The following CDC42SE2 variants were observed in gnomAD, a reference collection of about 807,000 sequenced individuals.
CDC42SE2 encodes CDC42 small effector protein 2.
Under a neutral mutation model 11.5 loss-of-function variants are expected in CDC42SE2, and 3 were observed. That is an observed-to-expected ratio of 0.26 (90% confidence interval 0.12 to 0.67). The LOEUF (loss-of-function observed/expected upper bound fraction) is 0.67, where lower values mean the gene tolerates loss of function less well. CDC42SE2 is among the 30% of genes least tolerant of loss of function. The pLI, the probability that CDC42SE2 is intolerant of heterozygous loss-of-function variation, is 0.80. For synonymous variants in CDC42SE2, 33 were observed against 34.8 expected (o/e 0.95, Z 0.18); for missense variants, 82 against 106.8 (o/e 0.77, Z 1.02).
At chr5:131,361,107 TTTTA>T (rs1361202576) in intron 3 of CDC42SE2, among the ~76,000 whole-genome samples, 6 of 142,182 alleles carry the variant, frequency 4.2e-5, no homozygotes, top group Admixed American at 2.7e-4. Flanking sequence ...ATTTATTTTA[TTTTA>T]TTTATTTATT....
At chr5:131,346,114 C>G (rs1758837722) in intron 2 of CDC42SE2, among the ~76,000 whole-genome samples, 1 of 152,138 alleles carries the variant, frequency 6.6e-6, no homozygotes, top group Non-Finnish European at 1.5e-5. Context: ...AAATAACCAG[C>G]TAACATCATA....
chr5:131,347,694 A>C (rs945583931), intron 2 of CDC42SE2, among the ~76,000 whole-genome samples: 5 of 152,110 alleles, frequency 3.3e-5, no homozygotes, highest in East Asian at 1.9e-4. Flanking sequence ...GAGACACAAC[A>C]AAAAAAGAGA....
At chr5:131,260,688 C>A (rs1299031870), upstream of CDC42SE2, among the ~76,000 whole-genome samples, 1 of 149,866 alleles carries the variant, frequency 6.7e-6, no homozygotes, top group Non-Finnish European at 1.5e-5. Flanking sequence ...AATCTCAGTA[C>A]TTTGGGAGGC....
chr5:131,286,394 T>G (rs561783643), intron 1 of CDC42SE2, among the ~76,000 whole-genome samples: 32 of 148,612 alleles, frequency 2.2e-4, no homozygotes, highest in African/African-American at 7.8e-4. Context: ...AGTTTTTTTT[T>G]TTTTTTTTTT....
upstream of CDC42SE2, among the ~76,000 whole-genome samples, chr5:131,259,868 T>C (rs1023820018): frequency 2.0e-5 from 3 of 152,292 alleles, no homozygotes; most frequent in African/African-American, 7.2e-5. Context: ...TGCCTGGAAT[T>C]GTGTCTGGCA....
rs1749815883 is a variant in CDC42SE2, at chr5:131,365,132, A to G, written c.54+5585A>G. Among the ~76,000 whole-genome samples the G allele has an allele frequency of 3.9e-5, 6 of 152,192 alleles. No individual in the cohort carries two copies. The South Asian group carries it at 1.0e-3, about 26-fold the overall frequency. On this transcript the variant is annotated intron_variant, in intron 3 of 4. Transcript: ENST00000505065. Reference sequence around the variant, plus strand: ...TGGTGAAACCCTGTCTCTACTAAAAATACAAAAAATAGCTGGGCGTGGTGT... The same window carrying G: ...TGGTGAAACCCTGTCTCTACTAAAAGTACAAAAAATAGCTGGGCGTGGTGT...
At chr5:131,277,660 G>A (rs972841724) in intron 1 of CDC42SE2, among the ~76,000 whole-genome samples, 1 of 152,144 alleles carries the variant, frequency 6.6e-6, no homozygotes, top group Non-Finnish European at 1.5e-5. Flanking sequence ...CCTTGGCTTA[G>A]AGCTTTTACA....
chr5:131,377,494 C>T (rs1750192337), intron 3 of CDC42SE2, among the ~76,000 whole-genome samples: 1 of 152,122 alleles, frequency 6.6e-6, no homozygotes, highest in South Asian at 2.1e-4. Context: ...AGTCATTCAG[C>T]TGTTAATCTT....
chr5:131,264,919 T>A (rs1402352511), intron 1 of CDC42SE2, among the ~76,000 whole-genome samples: 2 of 152,198 alleles, frequency 1.3e-5, no homozygotes, highest in East Asian at 3.8e-4. Context: ...TAAGCTTTTT[T>A]AGGGGAATTT....
At chr5:131,287,473 T>C (rs1757365033) in intron 1 of CDC42SE2, among the ~76,000 whole-genome samples, 1 of 151,476 alleles carries the variant, frequency 6.6e-6, no homozygotes. Flanking sequence ...TCTTTTTCTT[T>C]TTTTTTTTTG....
intron 2 of CDC42SE2, among the ~76,000 whole-genome samples, chr5:131,331,052 A>T (rs992987329): frequency 6.6e-6 from 1 of 152,038 alleles, no homozygotes; most frequent in Admixed American, 6.6e-5. Context: ...TCTAAATGAA[A>T]ATGTCAGTAG....
At chr5:131,301,488 G>A (rs1334597322) in intron 1 of CDC42SE2, among the ~76,000 whole-genome samples, 4 of 152,064 alleles carry the variant, frequency 2.6e-5, no homozygotes, top group South Asian at 2.1e-4. Context: ...GGCTGGGTGC[G>A]GTGGCTCATG....
In CDC42SE2 at chr5:131,334,631, C is replaced by G. The variant is rs187383508; in HGVS notation, c.-286+18487C>G. On this transcript the variant is annotated intron_variant, in intron 2 of 4. Transcript: ENST00000505065. Reference sequence around the variant, plus strand: ...TGGTTGGTAGGCTATTAATTGTTGCCTCAATTTCAGATCCTGTTATTGTTC... The same window carrying G: ...TGGTTGGTAGGCTATTAATTGTTGCGTCAATTTCAGATCCTGTTATTGTTC... Among the ~76,000 whole-genome samples the G allele has an allele frequency of 3.2e-3, 494 of 152,246 alleles. 3 individuals carry two copies. Among genetic ancestry groups the G allele is most frequent in the African/African-American group, 0.011 (472 of 41,544 alleles).
At chr5:131,372,905 A>G (rs960644696) in intron 3 of CDC42SE2, among the ~76,000 whole-genome samples, 4 of 152,224 alleles carry the variant, frequency 2.6e-5, no homozygotes, top group African/African-American at 7.2e-5. Flanking sequence ...AGCAGAGTGC[A>G]TGGCATAAGT....
chr5:131,298,991 C>T (rs1757628690), intron 1 of CDC42SE2, among the ~76,000 whole-genome samples: 2 of 152,038 alleles, frequency 1.3e-5, no homozygotes, highest in South Asian at 4.2e-4. Flanking sequence ...GAAATGATAG[C>T]CATATCAAGT....
chr5:131,312,889 A>G (rs1757958270), intron 1 of CDC42SE2, among the ~76,000 whole-genome samples: 1 of 152,114 alleles, frequency 6.6e-6, no homozygotes, highest in African/African-American at 2.4e-5. Flanking sequence ...AAATGCAGAA[A>G]TCACCCGTCT....
intron 1 of CDC42SE2, among the ~76,000 whole-genome samples, chr5:131,308,945 C>T (rs1254358941): frequency 1.3e-5 from 2 of 150,672 alleles, no homozygotes; most frequent in Non-Finnish European, 3.0e-5. Flanking sequence ...ATTTCCTTCT[C>T]CTGCCTAATT....
At chr5:131,343,933 C>G (rs893553598) in intron 2 of CDC42SE2, among the ~76,000 whole-genome samples, 3 of 152,158 alleles carry the variant, frequency 2.0e-5, no homozygotes, top group Middle Eastern at 6.8e-3. Flanking sequence ...CATGTTTGAG[C>G]CAATATAATA....
intron 1 of CDC42SE2, among the ~76,000 whole-genome samples, chr5:131,268,608 A>G (rs1756923082): frequency 6.6e-6 from 1 of 151,610 alleles, no homozygotes; most frequent in African/African-American, 2.4e-5. Flanking sequence ...ATGCACCACC[A>G]TGCTCGGCTA....
Sources: allele counts gnomAD v4.1 joint callset (sites outside exome capture counted in the v4.1 genomes callset), GRCh38; gene constraint gnomAD v4.1.1; transcripts MANE v1.5; gene names NCBI Gene and HGNC (gene_info 2026-07-23, HGNC 2026-07-21).